The following MXRA5 variants were observed in gnomAD, a reference collection of about 807,000 sequenced individuals.
The protein encoded by MXRA5 is matrix-remodeling-associated protein 5.
Under a neutral mutation model 112.5 loss-of-function variants are expected in MXRA5, and 41 were observed. The observed-to-expected ratio is 0.36, with a 90% CI of 0.28 to 0.47. The LOEUF (loss-of-function observed/expected upper bound fraction) is 0.47, where lower values mean the gene tolerates loss of function less well. MXRA5 is among the 20% of genes least tolerant of loss of function. The pLI is 0.99. For synonymous variants in MXRA5, 862 were observed against 900.8 expected, an observed-to-expected ratio of 0.96 and a Z score of 0.77; for missense variants, 2,150 against 2,251.0, an observed-to-expected ratio of 0.96 and a Z score of 0.91.
chrX:3,328,206 G>C (rs138943886), intron 4 of MXRA5, among the ~76,000 whole-genome samples: 2,333 of 112,075 alleles, frequency 0.021, 22 homozygotes, highest in Middle Eastern at 0.041. Flanking sequence ...ATGGCCTCTT[G>C]GAATGAAGCT....
chrX:3,324,227 T>G lies in MXRA5; in HGVS notation c.1458A>C (p.Gln486His), dbSNP rs769700696. 9.1e-6 allele frequency: 11 copies of G among 1,211,706 alleles called. No individual in the cohort carries two copies. The highest frequency in any genetic ancestry group is 1.2e-5 in the Non-Finnish European group (11 of 895,470). The change falls in exon 5 of 7, where the codon CAA (glutamine) becomes CAC (histidine). Residue 486 changes from glutamine to histidine, a missense_variant. Transcript: ENST00000217939. ...CCCCTTCCAGGACAGTCTGATCTCT[T>G]TGCACAGCTCCACTAGGCTCAATCA... ...WVMIEPSGAV[Q>H]RDQTVLEGGP...
At chrX:3,327,686 A>T (rs1394002928) in intron 4 of MXRA5, among the ~76,000 whole-genome samples, 5 of 112,685 alleles carry the variant, frequency 4.4e-5, no homozygotes, top group Non-Finnish European at 9.4e-5. Flanking sequence ...GTGAATTCTG[A>T]CCACATTTGG....
intron 2 of MXRA5, among the ~76,000 whole-genome samples, chrX:3,342,891 T>C (rs1245504829): frequency 8.9e-6 from 1 of 112,960 alleles, no homozygotes; most frequent in East Asian, 2.7e-4. Flanking sequence ...CTGGCCATTT[T>C]ATTTTTACTA....
chrX:3,330,654 C>T lies in MXRA5; in HGVS notation c.308G>A (p.Ser103Asn), dbSNP rs747592369. 1 of 1,209,422 alleles carries T rather than the reference C, an allele frequency of 8.3e-7. No individual in the cohort carries two copies. The highest frequency in any genetic ancestry group is 1.1e-6 in the Non-Finnish European group (1 of 894,592). ...ATGCCGTGGGTTTACCTGAAGAGAG[C>T]TGAGGTCTCTTAAAGCTCCATCGGG... ...SIPDGALRDL[S>N]SLQVFKFSYN... The change falls in exon 3 of 7, where the codon AGC (serine) becomes AAC (asparagine). Residue 103 changes from serine (S) to asparagine (N), a missense_variant. This residue lies in a region of MXRA5 where 386 missense variants were observed against 411.0 expected (regional missense o/e 0.94). Coordinates refer to ENST00000217939, the MANE Select transcript of MXRA5 (RefSeq NM_015419.4).
chrX:3,316,974 C>T, intron 6 of MXRA5, 129 bp downstream of exon 6: 1 of 800,958 alleles, frequency 1.2e-6, no homozygotes. Flanking sequence ...CCGTGCCCTG[C>T]TAATTAATTT....
intron 2 of MXRA5, among the ~76,000 whole-genome samples, chrX:3,342,499 C>G (rs1922012860): frequency 8.9e-6 from 1 of 112,283 alleles, no homozygotes; most frequent in South Asian, 3.7e-4. Flanking sequence ...TTACTATTCC[C>G]TCCTCTGCCA....
chrX:3,325,063 C>T (rs1364455411), intron 4 of MXRA5, 88 bp from the exon 5 acceptor site: 12 of 990,215 alleles, frequency 1.2e-5, no homozygotes, highest in Non-Finnish European at 1.4e-5. Context: ...CCTATGTTTG[C>T]ATCTTTATCA....
intron 2 of MXRA5, among the ~76,000 whole-genome samples, chrX:3,333,302 C>CAAAAAAAAAAAAAAAAAAAAAAA (rs386416494): frequency 5.4e-4 from 8 of 14,814 alleles, no homozygotes; most frequent in African/African-American, 1.6e-3. Context: ...TACCCCATAT[C>CAAAAAAAAAAAAAAAAAAAAAAA]AAAAAAAAAA....
At chrX:3,318,439 A>G (rs1921210856) in intron 5 of MXRA5, among the ~76,000 whole-genome samples, 1 of 112,052 alleles carries the variant, frequency 8.9e-6, no homozygotes, top group Non-Finnish European at 1.9e-5. Flanking sequence ...GAGCCACCAC[A>G]CCCAGCCTGT....
In MXRA5 at chrX:3,322,849, C is replaced by G. The variant is rs1159141998; in HGVS notation, c.2836G>C (p.Ala946Pro). ...TCTGGTGACGATCCAACATCTGCTG[C>G]AGACCAACCCTCTGTTGCCGTCTCT... The part of the protein sequence containing the change: ...HEETATEGWS[A>P]ADVGSSPEPT... Residue 946 changes from alanine to proline, a missense_variant, in exon 5 of 7, where the codon GCA (alanine) becomes CCA (proline). Ala to Pro is a conservative substitution (Grantham distance 27, BLOSUM62 -1). Transcript: ENST00000217939. The G allele has an allele frequency of 1.7e-6, 2 of 1,209,631 alleles. No individual in the cohort carries two copies. Among genetic ancestry groups the G allele is most frequent in the African/African-American group, 3.5e-5 (2 of 57,066 alleles).
At position 3,317,709 on chromosome X, in the gene MXRA5, A is replaced by G; in HGVS notation, c.5972T>C (p.Val1991Ala). The G allele has an allele frequency of 8.3e-7, 1 of 1,202,711 alleles. No individual in the cohort carries two copies. The highest frequency in any genetic ancestry group is 1.1e-6 in the Non-Finnish European group (1 of 890,318). ...CTCCACGGGGGACACAGTTTGCCAC[A>G]CCCTCCTGTCAGGGAAGATCCAGGA... is the stretch of plus-strand genomic sequence containing the variant. ...QISWIFPDRRVWQTVSPVEGR... is the reference protein window; with the variant it reads ...QISWIFPDRRAWQTVSPVEGR... The change falls in exon 6 of 7, where the codon GTG becomes GCG. Residue 1991 changes from valine to alanine, a missense_variant. Around this residue, in one of 6 missense-constraint regions of MXRA5, gnomAD observed 1,485 missense variants for 1,471.6 expected, o/e 1.01. Coordinates refer to ENST00000217939, the MANE Select transcript of MXRA5 (RefSeq NM_015419.4).
rs1921315920 is a variant in MXRA5 at position 3,321,857 on chromosome X, T to C, written c.3828A>G (p.Ile1276Met). ...RNIVTPSSET[I>M]LLPRTVSLKT... The stretch of plus-strand genomic sequence containing the variant: ...TCAGAGAAACAGTTCTAGGCAAAAG[T>C]ATAGTTTCTGAACTGGGAGTAACAA... Residue 1276 changes from isoleucine to methionine, a missense_variant, in exon 5 of 7, where the codon ATA (isoleucine) becomes ATG (methionine). By Grantham distance (10) the Ile-to-Met change is conservative. This residue lies in a region of MXRA5 where 1,485 missense variants were observed against 1,471.6 expected (regional missense o/e 1.01). Transcript: ENST00000217939. The C allele has an allele frequency of 8.3e-7, 1 of 1,211,573 alleles. No individual in the cohort carries two copies. The highest frequency in any genetic ancestry group is 1.1e-6 in the Non-Finnish European group (1 of 895,458).
rs41310268 is a variant in MXRA5, at chrX:3,310,874, G to A, written c.7329C>T (p.Asn2443=). 30 of 1,209,012 alleles carry A rather than the reference G, an allele frequency of 2.5e-5. No individual in the cohort carries two copies. In the East Asian group the frequency reaches 4.7e-4, roughly 19 times the overall value. Residue 2443 remains asparagine (N), a synonymous_variant, in exon 7 of 7, where the codon AAC becomes AAT. Transcript: ENST00000217939. ...CAGTGGTGATGGGGTTGGGGTTACC[G>A]TTGATCTTGGGTGGCTGGACGTTGA... The part of the protein sequence containing the change: ...IHVNVQPPKI[N]GNPNPITTVR...
rs769072661 is a variant in MXRA5 at position 3,329,959 on chromosome X, G to A, written c.709+59C>T. 3.9e-4 allele frequency: 434 copies of A among 1,119,578 alleles called. 1 individual carries two copies. Among genetic ancestry groups the A allele is most frequent in the Admixed American group, 6.9e-4 (24 of 34,982 alleles). 92.3% of individuals were successfully genotyped at this position (1,119,578 alleles called of 1,213,427 possible). On this transcript the variant is annotated intron_variant, in intron 4 of 6. Transcript: ENST00000217939. ...ATATAAGAACCTTGGAGAATGGAAC[G>A]TCTCCAAAAAGATAAAAGAATGTGC...
Position 3,325,873 on chromosome X carries a change from A to ATATAATTTATAAT in MXRA5, c.710-911_710-899dup, listed in dbSNP as rs1281846735. ...ATAATTTATAATTATAATTTATAATATATAATTTATAATTATAATTTATAA... is the reference window on the plus strand; with the variant it reads ...ATAATTTATAATTATAATTTATAATATATAATTTATAATTATAATTTATAATTATAATTTATAA... On this transcript the variant is annotated intron_variant, in intron 4 of 6. Transcript: ENST00000217939. 1.7e-3 allele frequency among the ~76,000 whole-genome samples: 165 copies of ATATAATTTATAAT among 97,576 alleles called. 1 individual carries two copies. The highest frequency in any genetic ancestry group is 5.9e-3 in the African/African-American group (156 of 26,615). The allele number at this position is 97,576 out of a possible 115,157, so 84.7% of individuals were successfully genotyped here. A position where few individuals can be genotyped will look rare whatever the true frequency, so the allele number is the denominator to read the frequency against.
intron 2 of MXRA5, among the ~76,000 whole-genome samples, chrX:3,337,741 GT>G (rs957638111): frequency 2.7e-5 from 3 of 111,896 alleles, no homozygotes; most frequent in Non-Finnish European, 5.6e-5. Context: ...ATTGAGGGAT[GT>G]TGGATCCATG....
Position 3,337,829 on chromosome X carries a change from T to C in MXRA5, c.188+5817A>G, listed in dbSNP as rs372835092. The stretch of plus-strand genomic sequence containing the variant: ...TAGAGGAAGAGCCAGCAGGCATTGC[T>C]GAGTGGTGGGAGTGGGAATGAGGAC... On this transcript the variant is annotated intron_variant, in intron 2 of 6. Coordinates refer to ENST00000217939, the MANE Select transcript of MXRA5 (RefSeq NM_015419.4). 8.1e-5 allele frequency among the ~76,000 whole-genome samples: 9 copies of C among 111,402 alleles called. No individual in the cohort carries two copies. In the East Asian group the frequency reaches 1.7e-3, roughly 21 times the overall value.
At chrX:3,345,082 G>C (rs1392985762) in intron 1 of MXRA5, among the ~76,000 whole-genome samples, 1 of 111,994 alleles carries the variant, frequency 8.9e-6, no homozygotes, top group Non-Finnish European at 1.9e-5. Context: ...CCGGTGAACC[G>C]AGATCGAGCC....
At position 3,320,183 on chromosome X, in the gene MXRA5, T is replaced by C. The variant is rs1369510101; in HGVS notation, c.5502A>G (p.Ser1834=). 1 of 1,211,056 alleles carries C rather than the reference T, an allele frequency of 8.3e-7. No homozygotes were observed. The change falls in exon 5 of 7, where the codon TCA becomes TCG. Residue 1834 remains serine, a synonymous_variant. Coordinates refer to ENST00000217939, the MANE Select transcript of MXRA5 (RefSeq NM_015419.4). ...CAGGAGGTCCTCCTGCAAAGAACTT[T>C]GAGCTGCTCTGGTGGAAGCTTCCTG... ...QSSGSFHQSS[S]KFFAGGPPAS... is the part of the protein sequence containing the mutation.
Sources: gnomAD v4.1 joint callset for allele counts (sites outside exome capture counted in the v4.1 genomes callset) on GRCh38, gnomAD v4.1.1 for gene constraint, gnomAD v4.1.1 regional missense constraint, MANE v1.5 for transcripts, NCBI Gene and HGNC (gene_info 2026-07-23, HGNC 2026-07-21) for gene names.